The following CIZ1 variants were observed in gnomAD, a reference collection of about 807,000 sequenced individuals.
CIZ1 encodes the protein cip1-interacting zinc finger protein.
Under a neutral mutation model 118.6 loss-of-function variants are expected in CIZ1, and 58 were observed. The ratio of observed to expected loss-of-function variants is 0.49; its 90% CI spans 0.40 to 0.61. CIZ1 has a LOEUF of 0.61. Among genes scored for constraint, CIZ1 ranks in the 20% least tolerant of loss-of-function variants. The pLI is 0.00. For missense variants in CIZ1, 921 were observed against 1,115.9 expected (o/e 0.83, Z 2.49); for synonymous variants, 448 against 443.4 (o/e 1.01, Z -0.13).
rs146496759 is a variant in CIZ1 at position 128,199,527 on chromosome 9, C to A, written c.-6+4659G>T. Among the ~76,000 whole-genome samples, 7 of 152,054 alleles carry A rather than the reference C, an allele frequency of 4.6e-5. No individual in the cohort carries two copies. The East Asian group carries it at 1.2e-3, about 25-fold the overall frequency. ...ACCAACCTGGGCAACAAAGCAAGAT[C>A]CCGTCTGTACAAAAAAAAATTGTTT... On this transcript the variant is annotated intron_variant, in intron 1 of 17. Coordinates refer to the CIZ1 transcript ENST00000372948.
chr9:128,182,197 G>A (rs886150144), intron 5 of CIZ1, among the ~76,000 whole-genome samples: 3 of 152,090 alleles, frequency 2.0e-5, no homozygotes, highest in Admixed American at 6.5e-5. Flanking sequence ...AGCGCAGCCC[G>A]ACATTCGGGG....
intron 11 of CIZ1, among the ~76,000 whole-genome samples, chr9:128,173,440 C>A (rs532982770): frequency 6.6e-6 from 1 of 151,680 alleles, no homozygotes; most frequent in Non-Finnish European, 1.5e-5. Flanking sequence ...CTACCGCGCC[C>A]GGCCGGCTAA....
upstream of CIZ1, among the ~76,000 whole-genome samples, chr9:128,194,972 C>T (rs554895973): frequency 1.3e-5 from 2 of 152,148 alleles, no homozygotes; most frequent in South Asian, 2.1e-4. Flanking sequence ...TCCATGCCAC[C>T]ACGCCCAGCA....
intron 11 of CIZ1, among the ~76,000 whole-genome samples, chr9:128,173,729 G>A (rs919717385): frequency 3.3e-5 from 5 of 152,098 alleles, no homozygotes; most frequent in Non-Finnish European, 5.9e-5. Context: ...AACGCGGGCC[G>A]GGCATGGTGG....
chr9:128,181,702 T>C (rs1443190948), intron 5 of CIZ1, among the ~76,000 whole-genome samples: 1 of 148,996 alleles, frequency 6.7e-6, no homozygotes, highest in Non-Finnish European at 1.5e-5. Flanking sequence ...AGGCGGATCA[T>C]GGTCCAGCAG....
intron 10 of CIZ1, among the ~76,000 whole-genome samples, chr9:128,176,846 G>A (rs1016061986): frequency 8.5e-5 from 13 of 152,132 alleles, no homozygotes; most frequent in African/African-American, 3.1e-4. Context: ...CCTGCGCTCA[G>A]GACTCCAATG....
chr9:128,178,457 G>A lies in CIZ1; in HGVS notation c.1532C>T (p.Thr511Ile), dbSNP rs766167859. 1 of 1,614,184 alleles carries A rather than the reference G, an allele frequency of 6.2e-7. No individual in the cohort carries two copies. Among genetic ancestry groups the A allele is most frequent in the East Asian group, 2.2e-5 (1 of 44,884 alleles). Residue 511 changes from threonine (T) to isoleucine (I), a missense_variant, in exon 9 of 17, where the codon ACC (threonine) becomes ATC (isoleucine). Thr to Ile is a moderately conservative substitution (Grantham distance 89). Transcript: ENST00000372938. The part of the protein sequence containing the change: ...MEKTLPEPVG[T>I]QVSMEEIQNE... ...CTGAATCTCTTCCATGCTGACTTGGGTGCCCACAGGCTCTGGCAAGGTCTT... is the reference window on the plus strand; with the variant it reads ...CTGAATCTCTTCCATGCTGACTTGGATGCCCACAGGCTCTGGCAAGGTCTT...
At chr9:128,192,264 G>A (rs905498836), upstream of CIZ1, among the ~76,000 whole-genome samples, 2 of 151,928 alleles carry the variant, frequency 1.3e-5, no homozygotes, top group African/African-American at 4.8e-5. Context: ...CAGCTACTCG[G>A]GAGGCTAAGG....
At chr9:128,169,599 C>G (rs1469282145) in intron 12 of CIZ1, 80 bp from the exon 13 acceptor site, 2 of 1,585,188 alleles carry the variant, frequency 1.3e-6, no homozygotes, top group Admixed American at 3.7e-5. Flanking sequence ...CCAGCAAGAG[C>G]TCACCTCCCC....
At position 128,180,624 on chromosome 9, in the gene CIZ1, C is replaced by CCCTGCCTCCCACA. The variant is rs200293084; in HGVS notation, c.682+84_682+96dup. 8,705 of 1,354,302 alleles carry CCCTGCCTCCCACA rather than the reference C, an allele frequency of 6.4e-3. 515 individuals are homozygous for CCCTGCCTCCCACA. In the African/African-American group the frequency reaches 0.12, roughly 18 times the overall value. The allele number at this position is 1,354,302 out of a possible 1,614,324, so 83.9% of individuals were successfully genotyped here. A position where few individuals can be genotyped will look rare whatever the true frequency, so the allele number is the denominator to read the frequency against. ...GGCTCCCCGCCTTCCCACCAAGAAC[C>CCCTGCCTCCCACA]CCTGCCTCCCACACCTGCCTCTATC... is the stretch of plus-strand genomic sequence containing the variant. On this transcript the variant is annotated intron_variant, in intron 6 of 16. Coordinates refer to ENST00000372938, the MANE Select transcript of CIZ1 (RefSeq NM_001131016.2).
intron 14 of CIZ1, chr9:128,168,668 T>G (rs1215997522): frequency 5.0e-6 from 1 of 201,372 alleles, no homozygotes; most frequent in Non-Finnish European, 1.0e-5. Flanking sequence ...GCCAGGATAG[T>G]GCTTGGTACA....
Position 128,168,978 on chromosome 9 carries a change from G to C in CIZ1, c.2295+74C>G. The C allele has an allele frequency of 2.5e-6, 4 of 1,595,530 alleles. No homozygotes were observed. In the South Asian group the frequency reaches 4.5e-5, roughly 18 times the overall value. On this transcript the variant is annotated intron_variant, in intron 14 of 16. Transcript: ENST00000372938. ...GATGCCAGCCCAGTGTCTGGCCTCC[G>C]GGAGGTGGGATGAGGTCTGTCCTGG...
chr9:128,167,415 C>T lies in CIZ1; in HGVS notation c.2296-251G>A, dbSNP rs556160275. The stretch of plus-strand genomic sequence containing the variant: ...CAGGAAGCCCTCCTGCTCCTACAGG[C>T]GCCATAATCCACGCCAGGTGTGCCC... On this transcript the variant is annotated intron_variant, in intron 14 of 16. Coordinates refer to ENST00000372938, the MANE Select transcript of CIZ1 (RefSeq NM_001131016.2). 20 of 499,306 alleles carry T rather than the reference C, an allele frequency of 4.0e-5. No individual in the cohort carries two copies. The Admixed American group carries it at 5.0e-4, about 12-fold the overall frequency. 30.9% of individuals were successfully genotyped at this position (499,306 alleles called of 1,614,324 possible).
At chr9:128,181,262 C>G (rs1831573707) in intron 5 of CIZ1, among the ~76,000 whole-genome samples, 1 of 152,254 alleles carries the variant, frequency 6.6e-6, no homozygotes, top group Non-Finnish European at 1.5e-5. Flanking sequence ...ATTACAGGCA[C>G]ACGCCACCAC....
At position 128,169,101 on chromosome 9, in the gene CIZ1, T is replaced by C; in HGVS notation, c.2246A>G (p.Asp749Gly). 1.9e-6 allele frequency: 3 copies of C among 1,613,992 alleles called. No homozygotes were observed. Among genetic ancestry groups the C allele is most frequent in the Non-Finnish European group, 1.7e-6 (2 of 1,179,898 alleles). ...CTCGATCTCTTCTTCATCCTCATCATCCTCTTCCTCTTCTTCATCACCCTC... is the reference window on the plus strand; with the variant it reads ...CTCGATCTCTTCTTCATCCTCATCACCCTCTTCCTCTTCTTCATCACCCTC... ...CFEGDEEEEE[D>G]DEDEEEIEVE... Residue 749 changes from aspartate (D) to glycine (G), a missense_variant, in exon 14 of 17, where the codon GAT becomes GGT. Physicochemically the swap from Asp to Gly is moderately conservative, Grantham distance 94. Coordinates refer to ENST00000372938, the MANE Select transcript of CIZ1 (RefSeq NM_001131016.2).
intron 1 of CIZ1, among the ~76,000 whole-genome samples, chr9:128,200,801 C>T (rs1833494218): frequency 6.6e-6 from 1 of 151,146 alleles, no homozygotes; most frequent in East Asian, 2.0e-4. Context: ...CACGACACTG[C>T]ACTCCAGCCT....
At chr9:128,180,343 T>C in intron 7 of CIZ1, 72 bp downstream of exon 7, 2 of 1,152,850 alleles carry the variant, frequency 1.7e-6, no homozygotes, top group Non-Finnish European at 1.3e-6. Context: ...CCTCTGCCAT[T>C]GCCACCCCTG....
rs1833660978 is a variant in CIZ1 at position 128,203,805 on chromosome 9, CG to C, written c.-6+380del. 6.7e-6 allele frequency among the ~76,000 whole-genome samples: 1 copy of C among 149,960 alleles called. No homozygotes were observed. The highest frequency in any genetic ancestry group is 6.6e-5 in the Admixed American group (1 of 15,104). ...CCCTCCCCCCACCACGAGAGCCCCT[CG>C]GGGCAGCAGCGCCCCCCGCTAGTCT... On this transcript the variant is annotated intron_variant, in intron 1 of 17. Coordinates refer to the CIZ1 transcript ENST00000372948. The surrounding 1 kb of genome is among the most constrained non-coding windows in gnomAD (Gnocchi z 5.3).
intron 11 of CIZ1, among the ~76,000 whole-genome samples, chr9:128,174,001 A>G (rs143925965): frequency 7.1e-4 from 102 of 143,228 alleles, no homozygotes; most frequent in African/African-American, 1.6e-3. Flanking sequence ...GCGAGACTCC[A>G]TCTCAAAAAC....
Sources: allele counts gnomAD v4.1 joint callset (sites outside exome capture counted in the v4.1 genomes callset), GRCh38; gene constraint gnomAD v4.1.1; non-coding constraint Gnocchi (gnomAD v3.1); transcripts MANE v1.5; gene names NCBI Gene and HGNC (gene_info 2026-07-23, HGNC 2026-07-21).